STARD3NL: variants seen among roughly 807,000 people sequenced by gnomAD.
STARD3NL encodes the protein STARD3 N-terminal like.
A neutral mutation model predicts 30.9 loss-of-function variants in STARD3NL; 17 were observed. The ratio of observed to expected loss-of-function variants is 0.55; its 90% CI spans 0.38 to 0.82. The LOEUF is 0.82. STARD3NL is among the 40% of genes least tolerant of loss of function. The pLI is 0.00. For synonymous variants in STARD3NL, 112 were observed against 100.5 expected (o/e 1.11, Z -0.69); for missense variants, 234 against 277.6 (o/e 0.84, Z 1.12).
Position 38,182,219 on chromosome 7 carries a change from G to T in STARD3NL, c.-59+3799G>T, listed in dbSNP as rs140300436. ...CACTTTTATCATCTTATCTTTGAGA[G>T]ACACACTGTTAGGCTTTTCTCAGCT... On this transcript the variant is annotated intron_variant, in intron 1 of 8. Coordinates refer to ENST00000009041, the MANE Select transcript of STARD3NL (RefSeq NM_032016.4). Among the ~76,000 whole-genome samples the T allele has an allele frequency of 1.0e-3, 152 of 152,250 alleles. 1 individual carries two copies. The highest frequency in any genetic ancestry group is 3.5e-3 in the African/African-American group (146 of 41,534).
At chr7:38,211,952 C>T (rs1213537294) in intron 2 of STARD3NL, among the ~76,000 whole-genome samples, 2 of 151,980 alleles carry the variant, frequency 1.3e-5, no homozygotes, top group African/African-American at 4.8e-5. Flanking sequence ...ACTGTTTCTC[C>T]TTTTCCACTG....
intron 1 of STARD3NL, among the ~76,000 whole-genome samples, chr7:38,203,668 A>G (rs1377963245): frequency 1.3e-5 from 2 of 152,252 alleles, no homozygotes; most frequent in East Asian, 3.8e-4. Flanking sequence ...GCTCCAATTA[A>G]AAGACACAGA....
chr7:38,198,687 C>G (rs1175163738), intron 1 of STARD3NL, among the ~76,000 whole-genome samples: 1 of 152,208 alleles, frequency 6.6e-6, no homozygotes, highest in Admixed American at 6.5e-5. Context: ...CTTGGCTTGG[C>G]TGTCAACAGG....
Position 38,188,201 on chromosome 7 carries a change from C to CCCAG in STARD3NL, c.-59+9784_-59+9787dup, listed in dbSNP as rs533899303. Among the ~76,000 whole-genome samples the CCCAG allele has an allele frequency of 3.6e-3, 546 of 152,298 alleles. 2 individuals are homozygous for CCCAG. The highest frequency in any genetic ancestry group is 5.7e-3 in the Non-Finnish European group (385 of 68,028). ...ACTTTACAGTGGCCCACACACAAGG[C>CCCAG]CCAGCCCTTTGTTAACTGATCTGTC... On this transcript the variant is annotated intron_variant, in intron 1 of 8. Transcript: ENST00000009041.
chr7:38,211,446 G>A (rs1314012454), intron 2 of STARD3NL, among the ~76,000 whole-genome samples: 1 of 152,180 alleles, frequency 6.6e-6, no homozygotes, highest in Non-Finnish European at 1.5e-5. Flanking sequence ...GTGCTTATGT[G>A]TGGGGAGTAC....
intron 2 of STARD3NL, among the ~76,000 whole-genome samples, chr7:38,210,564 A>G (rs1447448233): frequency 6.6e-6 from 1 of 152,160 alleles, no homozygotes; most frequent in Non-Finnish European, 1.5e-5. Context: ...TTTTCGGTCA[A>G]TCAAAAGGAT....
chr7:38,183,487 C>T (rs1784328470), intron 1 of STARD3NL, among the ~76,000 whole-genome samples: 1 of 152,054 alleles, frequency 6.6e-6, no homozygotes. Context: ...ATAAATATGT[C>T]CATTTGTTTG....
chr7:38,180,051 T>C (rs984168376), intron 1 of STARD3NL, among the ~76,000 whole-genome samples: 2 of 152,240 alleles, frequency 1.3e-5, no homozygotes, highest in Non-Finnish European at 2.9e-5. Context: ...TTGGATCATC[T>C]TGTATCCCAT....
At chr7:38,214,789 A>G (rs1367968313) in intron 3 of STARD3NL, among the ~76,000 whole-genome samples, 1 of 152,174 alleles carries the variant, frequency 6.6e-6, no homozygotes, top group African/African-American at 2.4e-5. Flanking sequence ...GATGAAAATG[A>G]CATCTTTTTT....
intron 7 of STARD3NL, 69 bp downstream of exon 7, chr7:38,219,729 T>A: frequency 7.6e-7 from 1 of 1,313,492 alleles, no homozygotes; most frequent in Non-Finnish European, 1.1e-6. Context: ...TTCCTTTCCC[T>A]ACCCCCTCTG....
chr7:38,225,999 T>C (rs762128137), intron 7 of STARD3NL, among the ~76,000 whole-genome samples: 1 of 152,216 alleles, frequency 6.6e-6, no homozygotes, highest in African/African-American at 2.4e-5. Context: ...TTTTCCTCCT[T>C]CTGGGATTCC....
chr7:38,217,777 A>G (rs967435991), intron 6 of STARD3NL, among the ~76,000 whole-genome samples: 7 of 152,230 alleles, frequency 4.6e-5, no homozygotes, highest in African/African-American at 1.7e-4. Context: ...ATTGTGATCC[A>G]TACAGCAGTT....
At chr7:38,197,136 T>TTTC (rs1784937316) in intron 1 of STARD3NL, among the ~76,000 whole-genome samples, 1,732 of 112,382 alleles carry the variant, frequency 0.015, 15 homozygotes, top group East Asian at 0.033. Flanking sequence ...GCATTACCTT[T>TTTC]TTTCTTTCTT....
Position 38,207,693 on chromosome 7 carries a change from C to G in STARD3NL, c.189C>G (p.Leu63=), listed in dbSNP as rs148725551. ...RTFCLFVTFD[L]LFVTLLWIIE... is the part of the protein sequence containing the mutation. ...TCTGTTTGTTTGTCACCTTTGACCTCTTATTCGTAACATTACTGTGGATAA... is the reference window on the plus strand; with the variant it reads ...TCTGTTTGTTTGTCACCTTTGACCTGTTATTCGTAACATTACTGTGGATAA... The change falls in exon 2 of 9, where the codon CTC becomes CTG. Residue 63 remains leucine, a synonymous_variant. Coordinates refer to ENST00000009041, the MANE Select transcript of STARD3NL (RefSeq NM_032016.4). 34 of 1,614,048 alleles carry G rather than the reference C, an allele frequency of 2.1e-5. No homozygotes were observed. The African/African-American group carries it at 3.3e-4, about 16-fold the overall frequency.
intron 1 of STARD3NL, among the ~76,000 whole-genome samples, chr7:38,181,407 A>G (rs1382664294): frequency 6.6e-6 from 1 of 152,230 alleles, no homozygotes; most frequent in Non-Finnish European, 1.5e-5. Context: ...AGTCAAAATC[A>G]GTTTATAAAT....
chr7:38,208,315 T>TA (rs1353910482), intron 2 of STARD3NL, among the ~76,000 whole-genome samples: 5 of 152,232 alleles, frequency 3.3e-5, no homozygotes, highest in African/African-American at 1.2e-4. Flanking sequence ...AGAGATTACT[T>TA]ATTTATATTT....
chr7:38,191,717 A>G (rs1421021757), intron 1 of STARD3NL, among the ~76,000 whole-genome samples: 3 of 151,904 alleles, frequency 2.0e-5, no homozygotes, highest in Admixed American at 6.6e-5. Context: ...CTATTTATAT[A>G]CTCTCTATTA....
At chr7:38,196,694 G>A (rs754686799) in intron 1 of STARD3NL, among the ~76,000 whole-genome samples, 11 of 152,050 alleles carry the variant, frequency 7.2e-5, no homozygotes, top group Non-Finnish European at 1.5e-4. Context: ...TTATTTAAAT[G>A]CCTTATAGAA....
At chr7:38,201,928 A>T (rs1785199136) in intron 1 of STARD3NL, 1 of 152,240 alleles carries the variant, frequency 6.6e-6, no homozygotes, top group African/African-American at 2.4e-5. Context: ...GCCTCAAGTG[A>T]TCTGCCCGCC....
Sources: gnomAD v4.1 joint callset for allele counts (sites outside exome capture counted in the v4.1 genomes callset) on GRCh38, gnomAD v4.1.1 for gene constraint, MANE v1.5 for transcripts, NCBI Gene and HGNC (gene_info 2026-07-23, HGNC 2026-07-21) for gene names.